Variants in ADGRD1 observed in about 807,000 individuals in gnomAD.
ADGRD1 encodes the protein adhesion G protein-coupled receptor D1, also known as G-protein coupled receptor 133.
A neutral mutation model predicts 113.4 loss-of-function variants in ADGRD1; 77 were observed. The observed-to-expected ratio is 0.68, with a 90% confidence interval of 0.57 to 0.82. The LOEUF (loss-of-function observed/expected upper bound fraction) is 0.82. Ranked by LOEUF, ADGRD1 falls within the 40% of genes least tolerant of loss-of-function variation. The pLI, the probability that ADGRD1 is intolerant of heterozygous loss-of-function variation, is 0.00. For synonymous variants in ADGRD1, 474 were observed against 475.0 expected (o/e 1.00, Z 0.03); for missense variants, 1,036 against 1,139.1 (o/e 0.91, Z 1.30).
intron 13 of ADGRD1, among the ~76,000 whole-genome samples, chr12:131,068,590 C>T (rs1232561048): frequency 3.3e-5 from 5 of 152,148 alleles, no homozygotes; most frequent in Admixed American, 6.5e-5. Flanking sequence ...TATTCTCATG[C>T]GAAAAACCAC....
chr12:131,089,601 A>AGTGCTCCTTACCTGATGG (rs1886762679), intron 15 of ADGRD1, among the ~76,000 whole-genome samples: 1 of 151,412 alleles, frequency 6.6e-6, no homozygotes, highest in Non-Finnish European at 1.5e-5. Flanking sequence ...CTGGCCAGTG[A>AGTGCTCCTTACCTGATGG]GTGCTCCCTA....
intron 2 of ADGRD1, chr12:130,962,733 C>A (rs1243431100): frequency 6.6e-6 from 1 of 152,094 alleles, no homozygotes; most frequent in Non-Finnish European, 1.5e-5. Flanking sequence ...TAGAGAGTAA[C>A]AAGACACTTA....
intron 13 of ADGRD1, among the ~76,000 whole-genome samples, chr12:131,044,279 G>C (rs1882444901): frequency 6.6e-6 from 1 of 152,194 alleles, no homozygotes; most frequent in African/African-American, 2.4e-5. Context: ...GGGTGCCCTT[G>C]TGTCCTGTGT....
At chr12:131,037,025 T>C (rs1881528583) in intron 13 of ADGRD1, among the ~76,000 whole-genome samples, 1 of 91,300 alleles carries the variant, frequency 1.1e-5, no homozygotes, top group Admixed American at 1.2e-4. Flanking sequence ...TGCACCAGGA[T>C]CTTACTCACT....
chr12:131,130,748 C>T (rs1950897057), intron 20 of ADGRD1, among the ~76,000 whole-genome samples: 1 of 150,086 alleles, frequency 6.7e-6, no homozygotes, highest in Admixed American at 6.6e-5. Context: ...GCCGGCCCAT[C>T]CCGTGCGGGG....
At chr12:130,994,555 T>C (rs1195782687) in intron 8 of ADGRD1, among the ~76,000 whole-genome samples, 1 of 152,222 alleles carries the variant, frequency 6.6e-6, no homozygotes, top group Non-Finnish European at 1.5e-5. Flanking sequence ...TCCTCAGGAA[T>C]GTGCAGCAGA....
chr12:131,120,644 C>T, intron 19 of ADGRD1: 4 of 644,616 alleles, frequency 6.2e-6, no homozygotes, highest in Middle Eastern at 2.8e-4. Flanking sequence ...TCCTGGTCTT[C>T]AAACCTGGAA....
intron 18 of ADGRD1, among the ~76,000 whole-genome samples, chr12:131,114,559 CG>C (rs568731454): frequency 2.6e-5 from 4 of 152,064 alleles, no homozygotes; most frequent in Admixed American, 2.6e-4. Context: ...AAGCTGAAGT[CG>C]GGGGGGTCTG....
chr12:131,100,520 C>T (rs1007809147), intron 15 of ADGRD1, among the ~76,000 whole-genome samples: 10 of 148,420 alleles, frequency 6.7e-5, no homozygotes, highest in Non-Finnish European at 8.9e-5. Flanking sequence ...ATTGTTTGAA[C>T]GTAAGGTTGG....
chr12:131,009,463 CTG>C (rs1282281040), intron 12 of ADGRD1, among the ~76,000 whole-genome samples: 1 of 152,154 alleles, frequency 6.6e-6, no homozygotes, highest in Non-Finnish European at 1.5e-5. Context: ...TGACTCTGGA[CTG>C]TGCATTAGAG....
intron 15 of ADGRD1, among the ~76,000 whole-genome samples, chr12:131,093,301 T>C (rs1887037730): frequency 6.6e-6 from 1 of 152,168 alleles, no homozygotes; most frequent in African/African-American, 2.4e-5. Context: ...GAGGAGTCCG[T>C]GTCCTGAAAC....
chr12:131,081,880 T>C (rs987062345), intron 14 of ADGRD1, among the ~76,000 whole-genome samples: 7 of 152,194 alleles, frequency 4.6e-5, no homozygotes, highest in East Asian at 1.9e-4. Context: ...AAGATTTTCA[T>C]TGGGCTTAGA....
intron 13 of ADGRD1, chr12:131,024,061 A>G (rs1879655940): frequency 6.6e-6 from 1 of 152,252 alleles, no homozygotes; most frequent in Non-Finnish European, 1.5e-5. Flanking sequence ...AACGGATCTG[A>G]GAGATGAATG....
chr12:131,043,696 C>T lies in ADGRD1; in HGVS notation c.1473+29356C>T, dbSNP rs141570332. Among the ~76,000 whole-genome samples the T allele has an allele frequency of 6.0e-3, 915 of 152,334 alleles. 5 individuals are homozygous for T. The highest frequency in any genetic ancestry group is 0.02 in the African/African-American group (818 of 41,588). The stretch of plus-strand genomic sequence containing the variant: ...CCCTGCGCACGCACACAGGGCCACA[C>T]GGGGATGCACGTGGGGCAGAGTGCA... On this transcript the variant is annotated intron_variant, in intron 13 of 24. Transcript: ENST00000261654.
chr12:131,008,164 C>T (rs564025402), intron 12 of ADGRD1, among the ~76,000 whole-genome samples: 2 of 152,358 alleles, frequency 1.3e-5, no homozygotes, highest in South Asian at 4.1e-4. Context: ...TTTTCTTAAA[C>T]ATGACATACA....
intron 15 of ADGRD1, among the ~76,000 whole-genome samples, chr12:131,089,874 G>A (rs1242951430): frequency 3.9e-5 from 6 of 152,262 alleles, no homozygotes. Context: ...CCATGCTCTG[G>A]AGCATCAGCT....
At chr12:131,127,746 G>GAT (rs1400542088) in intron 20 of ADGRD1, among the ~76,000 whole-genome samples, 1 of 139,136 alleles carries the variant, frequency 7.2e-6, no homozygotes. Flanking sequence ...TGTTGGTTGT[G>GAT]GTGGGATTCT....
chr12:130,960,746 A>T (rs1169816461), intron 2 of ADGRD1, among the ~76,000 whole-genome samples: 1 of 152,148 alleles, frequency 6.6e-6, no homozygotes, highest in African/African-American at 2.4e-5. Context: ...CATTCAAGGA[A>T]CAGAGTCTGA....
chr12:131,005,649 TG>T (rs66999537), intron 11 of ADGRD1, among the ~76,000 whole-genome samples: 7 of 59,694 alleles, frequency 1.2e-4, no homozygotes, highest in South Asian at 3.7e-4. Flanking sequence ...GACTGTGTGA[TG>T]CCCTGGGTGA....
Sources: gnomAD v4.1 joint callset for allele counts (sites outside exome capture counted in the v4.1 genomes callset) on GRCh38, gnomAD v4.1.1 for gene constraint, MANE v1.5 for transcripts, NCBI Gene and HGNC (gene_info 2026-07-23, HGNC 2026-07-21) for gene names.